The following IL1RAPL1 variants were observed in gnomAD, a reference collection of about 807,000 sequenced individuals.
The protein encoded by IL1RAPL1 is interleukin-1 receptor accessory protein-like 1.
Under a neutral mutation model 48.4 loss-of-function variants are expected in IL1RAPL1, and 3 were observed. The ratio of observed to expected loss-of-function variants is 0.06; its 90% confidence interval spans 0.03 to 0.16. IL1RAPL1 has a LOEUF of 0.16. IL1RAPL1 is among the 10% of genes least tolerant of loss of function. IL1RAPL1 has a pLI of 1.00. For missense variants in IL1RAPL1, 349 were observed against 530.6 expected (o/e 0.66, Z 3.36); for synonymous variants, 185 against 187.7 (o/e 0.99, Z 0.12).
In IL1RAPL1 at chrX:28,762,821, CACAGAGAGAGAGAGAGAG is replaced by C. The variant is rs1420881954; in HGVS notation, c.-24-26497_-24-26480del. On this transcript the variant is annotated intron_variant, in intron 1 of 10. Transcript: ENST00000378993. ...ACACACACACACACACACACACACA[CACAGAGAGAGAGAGAGAG>C]AGAGAGAGAGAGAAGCTTGTTTCAC... 8.0e-5 allele frequency among the ~76,000 whole-genome samples: 3 copies of C among 37,335 alleles called. No individual in the cohort carries two copies. The South Asian group carries it at 4.0e-3, about 50-fold the overall frequency. 32.4% of individuals were successfully genotyped at this position (37,335 alleles called of 115,157 possible).
chrX:29,907,769 T>A (rs1932668221), intron 6 of IL1RAPL1, among the ~76,000 whole-genome samples: 1 of 112,103 alleles, frequency 8.9e-6, no homozygotes. Flanking sequence ...AAATATAGAT[T>A]TTGTTGAGTT....
At chrX:29,021,213 AG>A (rs1488658736) in intron 2 of IL1RAPL1, among the ~76,000 whole-genome samples, 15 of 72,227 alleles carry the variant, frequency 2.1e-4, no homozygotes, top group South Asian at 9.8e-4. Flanking sequence ...CTCCGTCTCA[AG>A]GAAAAAAAAA....
chrX:29,275,038 T>G (rs1932099057), intron 2 of IL1RAPL1, among the ~76,000 whole-genome samples: 1 of 110,817 alleles, frequency 9.0e-6, no homozygotes, highest in African/African-American at 3.3e-5. Flanking sequence ...CCCCTTCCAA[T>G]CCATCCTTGA....
At chrX:29,901,973 A>G (rs183887889) in intron 6 of IL1RAPL1, among the ~76,000 whole-genome samples, 1 of 112,277 alleles carries the variant, frequency 8.9e-6, no homozygotes, top group African/African-American at 3.2e-5. Context: ...CGAAATGAGT[A>G]CAATTATAAG....
chrX:29,255,518 A>T (rs1444927986), intron 2 of IL1RAPL1, among the ~76,000 whole-genome samples: 1 of 110,803 alleles, frequency 9.0e-6, no homozygotes, highest in Non-Finnish European at 1.9e-5. Context: ...GGCATATTGC[A>T]TGATACTGAA....
At chrX:29,876,935 C>G (rs1476677318) in intron 6 of IL1RAPL1, among the ~76,000 whole-genome samples, 1 of 111,981 alleles carries the variant, frequency 8.9e-6, no homozygotes, top group African/African-American at 3.2e-5. Context: ...CTCCACGCGC[C>G]TCAGATGCCT....
At chrX:29,601,234 G>T (rs1048602155) in intron 5 of IL1RAPL1, among the ~76,000 whole-genome samples, 19 of 112,185 alleles carry the variant, frequency 1.7e-4, no homozygotes, top group African/African-American at 6.2e-4. Flanking sequence ...TTGAACCATT[G>T]TGATGACAGT....
Position 29,604,307 on chromosome X carries a change from T to C in IL1RAPL1, c.704-64123T>C, listed in dbSNP as rs775084491. ...TATATATGAAATATTAGCAAAACTT[T>C]GAAAACTTTTTGATAAAATGGATAG... On this transcript the variant is annotated intron_variant, in intron 5 of 10. Transcript: ENST00000378993. Among the ~76,000 whole-genome samples, 173 of 112,351 alleles carry C rather than the reference T, an allele frequency of 1.5e-3. 1 individual carries two copies. Among genetic ancestry groups the C allele is most frequent in the African/African-American group, 5.6e-3 (172 of 30,952 alleles).
intron 6 of IL1RAPL1, among the ~76,000 whole-genome samples, chrX:29,871,133 C>T (rs1046874456): frequency 8.9e-6 from 1 of 111,934 alleles, no homozygotes; most frequent in Non-Finnish European, 1.9e-5. Flanking sequence ...AAACCGGCAA[C>T]GTCTAATCTC....
At chrX:29,718,148 A>T (rs976975189) in intron 6 of IL1RAPL1, among the ~76,000 whole-genome samples, 1 of 111,653 alleles carries the variant, frequency 9.0e-6, no homozygotes, top group Admixed American at 9.5e-5. Context: ...GATAATGATT[A>T]GGGTGTATGT....
intron 2 of IL1RAPL1, among the ~76,000 whole-genome samples, chrX:29,169,036 T>G (rs768524444): frequency 5.6e-5 from 6 of 106,818 alleles, no homozygotes; most frequent in South Asian, 4.0e-4. Context: ...TTAATAAATG[T>G]GATATATATC....
intron 5 of IL1RAPL1, among the ~76,000 whole-genome samples, chrX:29,545,984 C>T (rs945552903): frequency 5.4e-5 from 6 of 111,281 alleles, no homozygotes; most frequent in African/African-American, 2.0e-4. Context: ...CATTTTTGCT[C>T]CCCAGGGGAT....
chrX:28,747,210 T>C (rs1214257987), intron 1 of IL1RAPL1, among the ~76,000 whole-genome samples: 1 of 111,745 alleles, frequency 8.9e-6, no homozygotes, highest in Non-Finnish European at 1.9e-5. Flanking sequence ...TTTATGGTAG[T>C]AAAATATTTA....
intron 1 of IL1RAPL1, among the ~76,000 whole-genome samples, chrX:28,784,371 T>C (rs181229526): frequency 1.1e-3 from 118 of 112,069 alleles, no homozygotes; most frequent in Non-Finnish European, 7.0e-4. Flanking sequence ...ATCATTTTTT[T>C]AGCATAGGTA....
intron 1 of IL1RAPL1, among the ~76,000 whole-genome samples, chrX:28,700,233 G>A (rs1192001393): frequency 9.0e-6 from 1 of 111,190 alleles, no homozygotes; most frequent in Non-Finnish European, 1.9e-5. Context: ...TCTGTTAAGA[G>A]TATGATGTTC....
At chrX:29,248,979 A>G (rs1041815296) in intron 2 of IL1RAPL1, among the ~76,000 whole-genome samples, 5 of 111,836 alleles carry the variant, frequency 4.5e-5, no homozygotes, top group African/African-American at 1.6e-4. Flanking sequence ...AGACTATTCT[A>G]TATCTATTAG....
Position 29,590,526 on chromosome X carries a change from C to G in IL1RAPL1, c.704-77904C>G, listed in dbSNP as rs761358608. Among the ~76,000 whole-genome samples, 9 of 111,872 alleles carry G rather than the reference C, an allele frequency of 8.0e-5. No homozygotes were observed. In the East Asian group the frequency reaches 2.3e-3, roughly 28 times the overall value. ...CTGGCAGGATGCTGAACTAGCCTGA[C>G]GCTATGCTGGTCATGGCCTCCATGT... is the stretch of plus-strand genomic sequence containing the variant. On this transcript the variant is annotated intron_variant, in intron 5 of 10. Coordinates refer to ENST00000378993, the MANE Select transcript of IL1RAPL1 (RefSeq NM_014271.4).
intron 1 of IL1RAPL1, among the ~76,000 whole-genome samples, chrX:28,698,066 G>A (rs1207279273): frequency 1.8e-5 from 2 of 111,320 alleles, no homozygotes; most frequent in Non-Finnish European, 3.8e-5. Flanking sequence ...GCCAAAACAA[G>A]CAAAAGCTCA....
chrX:29,494,289 A>G (rs1935190942), intron 5 of IL1RAPL1, among the ~76,000 whole-genome samples: 1 of 111,825 alleles, frequency 8.9e-6, no homozygotes, highest in Non-Finnish European at 1.9e-5. Flanking sequence ...ATGTTGCTGT[A>G]AAGGATATGA....
Sources: allele counts gnomAD v4.1 joint callset (sites outside exome capture counted in the v4.1 genomes callset), GRCh38; gene constraint gnomAD v4.1.1; transcripts MANE v1.5; gene names NCBI Gene and HGNC (gene_info 2026-07-23, HGNC 2026-07-21).